ACTR3C: variants seen among roughly 807,000 people sequenced by gnomAD.
ACTR3C encodes the protein actin-related protein 3C.
ACTR3C carries 18 observed loss-of-function variants against 26.3 expected under a neutral mutation model. The ratio of observed to expected loss-of-function variants is 0.68; its 90% CI spans 0.47 to 1.01. ACTR3C has a LOEUF of 1.01. Among genes scored for constraint, ACTR3C ranks in the 50% least tolerant of loss-of-function variants. The pLI is 0.00. For synonymous variants in ACTR3C, 55 were observed against 94.5 expected (o/e 0.58, Z 2.42); for missense variants, 184 against 250.7 (o/e 0.73, Z 1.80).
the ACTR3C span, among the ~76,000 whole-genome samples, chr7:150,167,641 T>C: frequency 6.6e-6 from 1 of 150,560 alleles, no homozygotes; most frequent in Non-Finnish European, 1.5e-5. Flanking sequence ...AATGAGGAAA[T>C]GTTATGGGCT....
At chr7:150,149,922 A>T in the ACTR3C span, among the ~76,000 whole-genome samples, 1 of 152,216 alleles carries the variant, frequency 6.6e-6, no homozygotes, top group African/African-American at 2.4e-5. Flanking sequence ...GAGAAAAATG[A>T]CTACTTTTGA....
the ACTR3C span, among the ~76,000 whole-genome samples, chr7:149,932,576 G>A: frequency 6.6e-6 from 1 of 152,192 alleles, no homozygotes; most frequent in Admixed American, 6.5e-5. Flanking sequence ...AAACAGGATG[G>A]TGGAGATAAT....
chr7:150,294,629 G>A (rs1163207438), intron 2 of ACTR3C, among the ~76,000 whole-genome samples: 28 of 152,174 alleles, frequency 1.8e-4, no homozygotes. Flanking sequence ...ATGCAGCATC[G>A]CCCAAATTCA....
At chr7:150,228,649 T>C in the ACTR3C span, among the ~76,000 whole-genome samples, 1 of 151,990 alleles carries the variant, frequency 6.6e-6, no homozygotes, top group African/African-American at 2.4e-5. Flanking sequence ...GCAAAAGCAG[T>C]GGAAAGGAAC....
the ACTR3C span, among the ~76,000 whole-genome samples, chr7:150,216,583 T>C: frequency 1.3e-5 from 2 of 152,162 alleles, no homozygotes; most frequent in Non-Finnish European, 2.9e-5. Context: ...TTTACCAAGT[T>C]ACCATTTGTC....
chr7:149,904,122 T>C, the ACTR3C span, among the ~76,000 whole-genome samples: 1 of 141,094 alleles, frequency 7.1e-6, no homozygotes, highest in Non-Finnish European at 1.6e-5. Flanking sequence ...GGTTTCACCA[T>C]GTTGGTTGGG....
the ACTR3C span, among the ~76,000 whole-genome samples, chr7:150,100,313 A>G: frequency 4.5e-4 from 69 of 151,666 alleles, no homozygotes; most frequent in Non-Finnish European, 9.7e-4. Flanking sequence ...GCAGACAGGG[A>G]GCTAAAGCCA....
At chr7:150,060,477 T>A in the ACTR3C span, among the ~76,000 whole-genome samples, 1 of 152,234 alleles carries the variant, frequency 6.6e-6, no homozygotes, top group African/African-American at 2.4e-5. Context: ...TCCTCCGTGA[T>A]AGCACCCCTA....
the ACTR3C span, among the ~76,000 whole-genome samples, chr7:150,095,598 G>A: frequency 1.6e-4 from 24 of 147,534 alleles, no homozygotes; most frequent in Non-Finnish European, 3.0e-4. Context: ...ATTACTTTTC[G>A]TAGGTCATGA....
chr7:150,287,762 G>T (rs920470742), intron 4 of ACTR3C, among the ~76,000 whole-genome samples: 4 of 148,010 alleles, frequency 2.7e-5, no homozygotes, highest in Admixed American at 6.6e-5. Context: ...ACACAACCCT[G>T]TGTTCTTTGA....
At chr7:149,982,833 C>G in the ACTR3C span, among the ~76,000 whole-genome samples, 1 of 152,086 alleles carries the variant, frequency 6.6e-6, no homozygotes, top group Non-Finnish European at 1.5e-5. Flanking sequence ...CATCCGCAAA[C>G]AGAGATAATT....
chr7:149,887,258 G>A, the ACTR3C span, among the ~76,000 whole-genome samples: 1 of 152,144 alleles, frequency 6.6e-6, no homozygotes, highest in African/African-American at 2.4e-5. Context: ...GTAGATAAAT[G>A]AGCAAATGAC....
chr7:149,927,198 G>C, the ACTR3C span, among the ~76,000 whole-genome samples: 3 of 151,962 alleles, frequency 2.0e-5, no homozygotes, highest in South Asian at 6.3e-4. Context: ...TCTCAAGGTA[G>C]GAACAAAAAT....
chr7:150,294,859 C>A (rs1014586220), intron 2 of ACTR3C, among the ~76,000 whole-genome samples: 1 of 151,200 alleles, frequency 6.6e-6, no homozygotes, highest in Non-Finnish European at 1.5e-5. Context: ...ACACAGGGTC[C>A]CTCAGAATCA....
chr7:149,885,440 G>T, the ACTR3C span, among the ~76,000 whole-genome samples: 1 of 152,218 alleles, frequency 6.6e-6, no homozygotes, highest in Non-Finnish European at 1.5e-5. Context: ...CTGCGAGCTG[G>T]TGCTTCCCAG....
chr7:150,168,352 G>A, the ACTR3C span, among the ~76,000 whole-genome samples: 3 of 150,744 alleles, frequency 2.0e-5, no homozygotes, highest in Non-Finnish European at 4.4e-5. Context: ...GATCTAGTCT[G>A]TGCACTCCTT....
At chr7:150,038,862 T>G in the ACTR3C span, among the ~76,000 whole-genome samples, 2 of 130,502 alleles carry the variant, frequency 1.5e-5, no homozygotes, top group Non-Finnish European at 3.3e-5. Flanking sequence ...AGGGGCTGGC[T>G]CTCAGTCCCT....
the ACTR3C span, among the ~76,000 whole-genome samples, chr7:150,206,623 T>C: frequency 6.6e-6 from 1 of 152,076 alleles, no homozygotes; most frequent in East Asian, 1.9e-4. Context: ...GGTTTCTCCA[T>C]GTTGGTCAGG....
the ACTR3C span, among the ~76,000 whole-genome samples, chr7:150,180,157 T>C: frequency 8.8e-5 from 7 of 79,364 alleles, no homozygotes; most frequent in Admixed American, 6.5e-4. Context: ...TACAAAAAAT[T>C]AGCCGGGCGT....
Sources: gnomAD v4.1 joint callset for allele counts (sites outside exome capture counted in the v4.1 genomes callset) on GRCh38, gnomAD v4.1.1 for gene constraint, MANE v1.5 for transcripts, NCBI Gene and HGNC (gene_info 2026-07-23, HGNC 2026-07-21) for gene names.